Variants in APLF observed in about 807,000 individuals in gnomAD.
APLF encodes aprataxin and PNKP like factor, also known as aprataxin and PNK-like factor.
A neutral mutation model predicts 55.6 loss-of-function variants in APLF; 61 were observed. The observed-to-expected ratio is 1.10, with a 90% CI of 0.89 to 1.36. The LOEUF (loss-of-function observed/expected upper bound fraction) is 1.36, where lower values mean the gene tolerates loss of function less well. Among genes scored for constraint, APLF ranks in the 40% most tolerant of loss-of-function variants. The pLI is 0.00. For synonymous variants in APLF, 207 were observed against 214.8 expected (o/e 0.96, Z 0.32); for missense variants, 611 against 602.5 (o/e 1.01, Z -0.15).
intron 2 of APLF, among the ~76,000 whole-genome samples, chr2:68,494,277 C>CAAAAAAAAA (rs59466460): frequency 1.2e-4 from 6 of 49,544 alleles, no homozygotes; most frequent in Admixed American, 2.7e-4. Context: ...GACCCCGTCT[C>CAAAAAAAAA]AAAAAAAAAA....
chr2:68,533,486 AT>A (rs1273778318), intron 6 of APLF, among the ~76,000 whole-genome samples: 4 of 152,150 alleles, frequency 2.6e-5, no homozygotes. Flanking sequence ...ACACAACATG[AT>A]CATGTCAGTG....
intron 2 of APLF, among the ~76,000 whole-genome samples, chr2:68,500,973 A>T (rs1676701907): frequency 6.6e-6 from 1 of 152,206 alleles, no homozygotes; most frequent in Non-Finnish European, 1.5e-5. Flanking sequence ...CATTGTTTAA[A>T]TTGTAACTTG....
intron 8 of APLF, among the ~76,000 whole-genome samples, chr2:68,557,408 T>C (rs1429339712): frequency 6.6e-6 from 1 of 152,208 alleles, no homozygotes; most frequent in African/African-American, 2.4e-5. Flanking sequence ...CTATGAGGGC[T>C]GACTATATCT....
intron 3 of APLF, among the ~76,000 whole-genome samples, chr2:68,504,881 T>G (rs867606729): frequency 1.1e-4 from 17 of 152,200 alleles, no homozygotes; most frequent in Middle Eastern, 3.4e-3. Flanking sequence ...AATCAATGGT[T>G]GTTTCCAAGG....
At chr2:68,533,419 A>C (rs1277394470) in intron 6 of APLF, among the ~76,000 whole-genome samples, 1 of 152,218 alleles carries the variant, frequency 6.6e-6, no homozygotes, top group Non-Finnish European at 1.5e-5. Context: ...ATAGTATGGT[A>C]AAGTGTTTTA....
intron 8 of APLF, among the ~76,000 whole-genome samples, chr2:68,564,526 A>C (rs2104061727): frequency 6.6e-6 from 1 of 152,252 alleles, no homozygotes; most frequent in East Asian, 1.9e-4. Context: ...TCTTGAGCTA[A>C]TAATGAAGGG....
chr2:68,474,527 A>G (rs77215354), intron 1 of APLF, among the ~76,000 whole-genome samples: 1 of 152,296 alleles, frequency 6.6e-6, no homozygotes, highest in South Asian at 2.1e-4. Context: ...TTTTACAATT[A>G]TATATATCTT....
At chr2:68,544,410 A>C (rs1670642357) in intron 7 of APLF, among the ~76,000 whole-genome samples, 2 of 152,228 alleles carry the variant, frequency 1.3e-5, no homozygotes, top group African/African-American at 4.8e-5. Context: ...GATTGAATGC[A>C]GAAGCAGGCA....
chr2:68,549,310 G>A (rs923008260), intron 8 of APLF, among the ~76,000 whole-genome samples: 4 of 151,952 alleles, frequency 2.6e-5, no homozygotes, highest in Non-Finnish European at 5.9e-5. Flanking sequence ...ATAATTTATA[G>A]TTTGAACTAG....
chr2:68,518,774 A>ATTATTATATAATAAAATATTAATAATATG, intron 5 of APLF, among the ~76,000 whole-genome samples: 1 of 88,106 alleles, frequency 1.1e-5, no homozygotes, highest in Non-Finnish European at 2.0e-5. Flanking sequence ...TTAATAATAT[A>ATTATTATATAATAAAATATTAATAATATG]TCATTATATA....
intron 6 of APLF, among the ~76,000 whole-genome samples, chr2:68,527,302 C>T (rs1026832290): frequency 4.0e-5 from 6 of 149,918 alleles, no homozygotes; most frequent in African/African-American, 1.2e-4. Context: ...GGATGGTGGC[C>T]AGGCAGAGGC....
chr2:68,547,258 A>C (rs1419966019), intron 8 of APLF, among the ~76,000 whole-genome samples: 3 of 151,840 alleles, frequency 2.0e-5, no homozygotes, highest in Admixed American at 6.6e-5. Flanking sequence ...AATAATTATG[A>C]AGATCAAAAT....
chr2:68,500,203 A>G (rs1676678860), intron 2 of APLF, among the ~76,000 whole-genome samples: 1 of 152,194 alleles, frequency 6.6e-6, no homozygotes, highest in African/African-American at 2.4e-5. Context: ...TCAGTGAGTA[A>G]TATGAATTTA....
At chr2:68,488,186 G>A (rs1024581401) in intron 1 of APLF, among the ~76,000 whole-genome samples, 5 of 152,038 alleles carry the variant, frequency 3.3e-5, no homozygotes, top group Non-Finnish European at 7.4e-5. Context: ...TAGAAAATTG[G>A]TTCGTAGTAT....
intron 8 of APLF, among the ~76,000 whole-genome samples, chr2:68,552,821 C>T (rs2104032380): frequency 6.6e-6 from 1 of 152,272 alleles, no homozygotes; most frequent in Admixed American, 6.5e-5. Flanking sequence ...ACTTTCATGT[C>T]TGTAGATACG....
intron 8 of APLF, among the ~76,000 whole-genome samples, chr2:68,565,500 C>CAGAT (rs1379755152): frequency 1.4e-5 from 2 of 140,898 alleles, no homozygotes; most frequent in African/African-American, 3.0e-5. Context: ...GTTAGATAGA[C>CAGAT]AGATAGACAG....
At chr2:68,527,329 A>T (rs550905021) in intron 6 of APLF, among the ~76,000 whole-genome samples, 2 of 151,652 alleles carry the variant, frequency 1.3e-5, no homozygotes, top group East Asian at 3.9e-4. Flanking sequence ...CATTTCCCAG[A>T]CGGTGAGGAG....
intron 9 of APLF, among the ~76,000 whole-genome samples, chr2:68,576,382 G>A (rs1171357685): frequency 1.3e-5 from 2 of 152,112 alleles, no homozygotes; most frequent in African/African-American, 4.8e-5. Context: ...TACAGGAGCT[G>A]TATATACAGA....
At chr2:68,487,420 T>C (rs1386601208) in intron 1 of APLF, among the ~76,000 whole-genome samples, 1 of 152,104 alleles carries the variant, frequency 6.6e-6, no homozygotes, top group African/African-American at 2.4e-5. Context: ...TACTTATTGG[T>C]TGTGTAACTG....
Sources: allele counts gnomAD v4.1 joint callset (sites outside exome capture counted in the v4.1 genomes callset), GRCh38; gene constraint gnomAD v4.1.1; transcripts MANE v1.5; gene names NCBI Gene and HGNC (gene_info 2026-07-23, HGNC 2026-07-21).